Variants in PDCL2 observed in about 807,000 individuals in gnomAD.
PDCL2 encodes phosducin like 2, also known as phosducin-like protein 2.
In PDCL2, 23 loss-of-function variants were observed where a neutral mutation model predicts 30.3. That is an observed-to-expected ratio of 0.76 (90% CI 0.55 to 1.08). PDCL2 has a LOEUF of 1.08. Among genes scored for constraint, PDCL2 ranks in the 50% least tolerant of loss-of-function variants. The pLI is 0.00. For synonymous variants in PDCL2, 68 were observed against 86.2 expected (o/e 0.79, Z 1.17); for missense variants, 243 against 282.3 (o/e 0.86, Z 1.00).
chr4:55,563,720 A>G (rs1037860897), intron 4 of PDCL2, among the ~76,000 whole-genome samples: 5 of 152,196 alleles, frequency 3.3e-5, no homozygotes, highest in African/African-American at 1.2e-4. Flanking sequence ...GAGGCTACAG[A>G]AAGAATGGAG....
At chr4:55,587,561 T>A (rs1174861055) in intron 1 of PDCL2, among the ~76,000 whole-genome samples, 1 of 151,996 alleles carries the variant, frequency 6.6e-6, no homozygotes, top group African/African-American at 2.4e-5. Context: ...CTGTTTTTTT[T>A]AAATTTTTTT....
chr4:55,571,258 G>A (rs959658776), intron 3 of PDCL2, among the ~76,000 whole-genome samples: 1 of 151,950 alleles, frequency 6.6e-6, no homozygotes, highest in Non-Finnish European at 1.5e-5. Flanking sequence ...ATCAATTCAG[G>A]TGCTTCACTG....
At chr4:55,568,471 T>C (rs73157606) in intron 4 of PDCL2, among the ~76,000 whole-genome samples, 212 of 152,340 alleles carry the variant, frequency 1.4e-3, no homozygotes, top group African/African-American at 4.8e-3. Context: ...TAATTCTTGA[T>C]TGACTCCTTG....
At chr4:55,579,474 A>T (rs934315370) in intron 3 of PDCL2, among the ~76,000 whole-genome samples, 2 of 152,116 alleles carry the variant, frequency 1.3e-5, no homozygotes, top group Non-Finnish European at 2.9e-5. Context: ...GATTACAGGC[A>T]TGTGCTACAA....
intron 3 of PDCL2, among the ~76,000 whole-genome samples, chr4:55,574,293 A>G (rs1001707171): frequency 7.9e-5 from 12 of 152,174 alleles, no homozygotes; most frequent in African/African-American, 2.7e-4. Context: ...TCATCATTGT[A>G]GCTTTCTCTT....
In PDCL2 at chr4:55,557,103, G is replaced by T. The variant is rs540134155; in HGVS notation, c.572-392C>A. ...TCCCCCTACCTTGGCCTCCCAAAGT[G>T]CTGGGATTACAGGCGTGAGCCACCA... On this transcript the variant is annotated intron_variant, in intron 5 of 5. Coordinates refer to ENST00000295645, the MANE Select transcript of PDCL2 (RefSeq NM_152401.3). Among the ~76,000 whole-genome samples the T allele has an allele frequency of 1.1e-4, 17 of 152,322 alleles. No homozygotes were observed. In the South Asian group the frequency reaches 2.3e-3, roughly 20 times the overall value.
At chr4:55,589,293 T>C (rs1405632406) in intron 1 of PDCL2, among the ~76,000 whole-genome samples, 1 of 152,246 alleles carries the variant, frequency 6.6e-6, no homozygotes, top group Admixed American at 6.5e-5. Context: ...ATTTCTGCTT[T>C]CTGTCCTCGA....
chr4:55,589,821 A>G (rs1369955620), intron 1 of PDCL2, among the ~76,000 whole-genome samples: 1 of 152,180 alleles, frequency 6.6e-6, no homozygotes, highest in African/African-American at 2.4e-5. Context: ...CTTAAATACC[A>G]TGTTTCGCTG....
At chr4:55,585,833 A>C (rs1477143963) in intron 1 of PDCL2, among the ~76,000 whole-genome samples, 2 of 152,134 alleles carry the variant, frequency 1.3e-5, no homozygotes, top group African/African-American at 4.8e-5. Context: ...ATTGGCATGT[A>C]ACTGTTCATA....
chr4:55,562,198 A>G (rs1025987214), intron 5 of PDCL2, among the ~76,000 whole-genome samples: 2 of 152,162 alleles, frequency 1.3e-5, no homozygotes, highest in East Asian at 3.8e-4. Flanking sequence ...TAAATTTTTA[A>G]TTTACTTGAG....
At chr4:55,565,454 T>C (rs1223401871) in intron 4 of PDCL2, among the ~76,000 whole-genome samples, 4 of 152,136 alleles carry the variant, frequency 2.6e-5, no homozygotes, top group South Asian at 2.1e-4. Flanking sequence ...CTTCTTCACA[T>C]GTGGCAGCAA....
At chr4:55,557,808 T>C (rs1732011438) in intron 5 of PDCL2, among the ~76,000 whole-genome samples, 2 of 151,918 alleles carry the variant, frequency 1.3e-5, no homozygotes, top group Admixed American at 6.6e-5. Context: ...TGTGAGCCTA[T>C]AAAATTAAAC....
intron 1 of PDCL2, 112 bp from the exon 2 acceptor site, chr4:55,582,349 C>A: frequency 8.2e-7 from 1 of 1,218,752 alleles, no homozygotes; most frequent in Non-Finnish European, 1.1e-6. Context: ...ATGAACTCTA[C>A]AGTTAATTGG....
intron 4 of PDCL2, among the ~76,000 whole-genome samples, chr4:55,565,455 G>A (rs1478292369): frequency 1.3e-5 from 2 of 152,154 alleles, no homozygotes; most frequent in African/African-American, 4.8e-5. Flanking sequence ...TTCTTCACAT[G>A]TGGCAGCAAT....
At chr4:55,583,469 A>G (rs985447338) in intron 1 of PDCL2, among the ~76,000 whole-genome samples, 13 of 152,140 alleles carry the variant, frequency 8.5e-5, no homozygotes, top group African/African-American at 2.7e-4. Context: ...GGGGGATTAA[A>G]TCCAAAAATT....
intron 3 of PDCL2, among the ~76,000 whole-genome samples, chr4:55,572,792 T>C (rs902934004): frequency 7.9e-5 from 12 of 152,250 alleles, no homozygotes; most frequent in African/African-American, 2.6e-4. Flanking sequence ...ATGGAGTCTG[T>C]CTCTGTCGCC....
intron 4 of PDCL2, among the ~76,000 whole-genome samples, chr4:55,566,812 CTTA>C (rs1732281340): frequency 1.4e-5 from 1 of 69,906 alleles, no homozygotes; most frequent in African/African-American, 5.0e-5. Context: ...AGAAGGTTTA[CTTA>C]AAGTATTATG....
intron 2 of PDCL2, among the ~76,000 whole-genome samples, 171 bp downstream of exon 2, chr4:55,581,946 A>T (rs1732725175): frequency 6.6e-6 from 1 of 152,126 alleles, no homozygotes; most frequent in African/African-American, 2.4e-5. Context: ...TGACCTCGTG[A>T]TCCGCTGGCC....
intron 1 of PDCL2, among the ~76,000 whole-genome samples, chr4:55,589,633 C>T (rs775712006): frequency 3.3e-5 from 5 of 152,208 alleles, no homozygotes; most frequent in Admixed American, 1.3e-4. Context: ...ATGGACCAAA[C>T]CCTTTGGTTC....
Sources: gnomAD v4.1 joint callset for allele counts (sites outside exome capture counted in the v4.1 genomes callset) on GRCh38, gnomAD v4.1.1 for gene constraint, MANE v1.5 for transcripts, NCBI Gene and HGNC (gene_info 2026-07-23, HGNC 2026-07-21) for gene names.